The following CFAP299 variants were observed in gnomAD, a reference collection of about 807,000 sequenced individuals.
The protein encoded by CFAP299 is cilia and flagella associated protein 299.
CFAP299 carries 21 observed loss-of-function variants against 27.0 expected under a neutral mutation model. That is an observed-to-expected ratio of 0.78 (90% CI 0.55 to 1.12). The LOEUF is 1.12. Ranked by LOEUF, CFAP299 falls within the 50% of genes most tolerant of loss-of-function variation. The pLI, the probability that CFAP299 is intolerant of heterozygous loss-of-function variation, is 0.00. For missense variants in CFAP299, 310 were observed against 276.6 expected (o/e 1.12, Z -0.86); for synonymous variants, 104 against 98.1 (o/e 1.06, Z -0.36).
At chr4:80,365,692 A>G (rs1284398599) in intron 2 of CFAP299, among the ~76,000 whole-genome samples, 3 of 152,222 alleles carry the variant, frequency 2.0e-5, no homozygotes, top group Non-Finnish European at 4.4e-5. Context: ...GAATCAGTCA[A>G]TGTCTATCAG....
intron 2 of CFAP299, chr4:80,387,129 G>C (rs554120351): frequency 1.4e-6 from 2 of 1,424,590 alleles, no homozygotes; most frequent in African/African-American, 2.8e-5. Context: ...TTGTTGACAC[G>C]TTTGACACAC....
rs190143058 is a variant in CFAP299 at position 80,868,126 on chromosome 4, T to C, written c.334-1867T>C. Among the ~76,000 whole-genome samples the C allele has an allele frequency of 2.1e-3, 323 of 152,314 alleles. 2 individuals carry two copies. Among genetic ancestry groups the C allele is most frequent in the African/African-American group, 7.4e-3 (309 of 41,572 alleles). On this transcript the variant is annotated intron_variant, in intron 3 of 5. Transcript: ENST00000358105. ...TAATCACTCCCTCCAAACATACAAG[T>C]TTATTTCAAACATTTTAAACATATT...
chr4:80,938,568 C>G (rs970998270), intron 4 of CFAP299, among the ~76,000 whole-genome samples: 3 of 152,164 alleles, frequency 2.0e-5, no homozygotes, highest in African/African-American at 7.2e-5. Flanking sequence ...GGGTAAATAT[C>G]TGTTAGAGAC....
At chr4:80,379,608 G>A (rs970261162) in intron 2 of CFAP299, among the ~76,000 whole-genome samples, 2 of 150,794 alleles carry the variant, frequency 1.3e-5, no homozygotes, top group Non-Finnish European at 3.0e-5. Context: ...TCATTTCTAT[G>A]TTTATTTTAA....
chr4:80,370,291 T>G (rs1001179749), intron 2 of CFAP299, among the ~76,000 whole-genome samples: 2 of 152,116 alleles, frequency 1.3e-5, no homozygotes, highest in African/African-American at 4.8e-5. Context: ...TCACTGGGGA[T>G]TACAATTTGA....
chr4:80,699,029 G>A (rs955397068), intron 3 of CFAP299, among the ~76,000 whole-genome samples: 9 of 152,142 alleles, frequency 5.9e-5, no homozygotes, highest in African/African-American at 2.2e-4. Context: ...AAATTACCAA[G>A]TGTTTAATAT....
intron 4 of CFAP299, among the ~76,000 whole-genome samples, chr4:80,896,830 A>C (rs556997287): frequency 6.6e-6 from 1 of 152,290 alleles, no homozygotes; most frequent in East Asian, 1.9e-4. Context: ...AAGTGCTATA[A>C]TAATGTATCT....
intron 2 of CFAP299, among the ~76,000 whole-genome samples, chr4:80,438,396 C>T (rs1263267591): frequency 6.6e-6 from 1 of 152,154 alleles, no homozygotes; most frequent in Non-Finnish European, 1.5e-5. Context: ...GTTTCATGTC[C>T]AGCTTCCAAA....
chr4:80,378,784 G>A (rs1724550267), intron 2 of CFAP299, among the ~76,000 whole-genome samples: 1 of 152,044 alleles, frequency 6.6e-6, no homozygotes, highest in African/African-American at 2.4e-5. Context: ...TGCTCATTGT[G>A]TATATAATGT....
Position 80,883,981 on chromosome 4 carries a change from C to T in CFAP299, c.476+13846C>T, listed in dbSNP as rs1375768618. Among the ~76,000 whole-genome samples, 3 of 152,102 alleles carry T rather than the reference C, an allele frequency of 2.0e-5. No individual in the cohort carries two copies. The East Asian group carries it at 5.8e-4, about 29-fold the overall frequency. ...CATCACCCAGGTATTAGGCCTGGTA[C>T]TCAATAGTTATTTTTTCTGATCCTC... is the stretch of plus-strand genomic sequence containing the variant. On this transcript the variant is annotated intron_variant, in intron 4 of 5. Transcript: ENST00000358105.
In CFAP299 at chr4:80,744,573, T is replaced by A. The variant is rs79951007; in HGVS notation, c.334-125420T>A. Among the ~76,000 whole-genome samples the A allele has an allele frequency of 1.2e-3, 184 of 152,276 alleles. 3 individuals carry two copies. The East Asian group carries it at 0.032, about 27-fold the overall frequency. ...AACACCTCCTCTCCTTTACCTTTTTTGATTTTCATCTTTTTTTTTTAAAGG... is the reference window on the plus strand; with the variant it reads ...AACACCTCCTCTCCTTTACCTTTTTAGATTTTCATCTTTTTTTTTTAAAGG... On this transcript the variant is annotated intron_variant, in intron 3 of 5. Coordinates refer to ENST00000358105, the MANE Select transcript of CFAP299 (RefSeq NM_152770.3).
chr4:80,394,823 C>G (rs1293951678), intron 2 of CFAP299, among the ~76,000 whole-genome samples: 1 of 151,936 alleles, frequency 6.6e-6, no homozygotes, highest in Admixed American at 6.6e-5. Flanking sequence ...TTTTGATAGC[C>G]ATTGTTTTGT....
At chr4:80,777,482 C>A (rs1379701977) in intron 3 of CFAP299, among the ~76,000 whole-genome samples, 1 of 152,054 alleles carries the variant, frequency 6.6e-6, no homozygotes. Flanking sequence ...ACTACTAACT[C>A]TCCCAAATTT....
intron 2 of CFAP299, among the ~76,000 whole-genome samples, chr4:80,445,955 CT>C (rs928356858): frequency 7.9e-5 from 12 of 152,136 alleles, no homozygotes; most frequent in Admixed American, 7.9e-4. Flanking sequence ...TCTTTAAAAA[CT>C]TTCAGGTCTT....
intron 2 of CFAP299, among the ~76,000 whole-genome samples, chr4:80,436,502 C>T (rs1208595962): frequency 6.6e-6 from 1 of 152,090 alleles, no homozygotes; most frequent in Non-Finnish European, 1.5e-5. Flanking sequence ...CGGGGTTTCA[C>T]CGTGTTAGCC....
chr4:80,912,452 G>A (rs1012985087), intron 4 of CFAP299, among the ~76,000 whole-genome samples: 16 of 152,128 alleles, frequency 1.1e-4, no homozygotes, highest in African/African-American at 1.7e-4. Context: ...GTCATCCGTC[G>A]AAAGAGCCAC....
intron 3 of CFAP299, among the ~76,000 whole-genome samples, chr4:80,797,647 C>A (rs747264660): frequency 3.3e-5 from 5 of 152,180 alleles, no homozygotes; most frequent in Non-Finnish European, 7.3e-5. Context: ...GTGGTTCCCA[C>A]TGTTAGGTCT....
At chr4:80,728,755 T>C (rs1723307695) in intron 3 of CFAP299, among the ~76,000 whole-genome samples, 1 of 152,186 alleles carries the variant, frequency 6.6e-6, no homozygotes, top group African/African-American at 2.4e-5. Flanking sequence ...GATAAGACAG[T>C]TATCCTAACT....
intron 4 of CFAP299, among the ~76,000 whole-genome samples, chr4:80,922,127 A>G (rs1055980794): frequency 1.3e-5 from 2 of 152,090 alleles, no homozygotes; most frequent in African/African-American, 4.8e-5. Context: ...TTATATGAAT[A>G]TAAATAATAA....
Sources: gnomAD v4.1 joint callset for allele counts (sites outside exome capture counted in the v4.1 genomes callset) on GRCh38, gnomAD v4.1.1 for gene constraint, MANE v1.5 for transcripts, NCBI Gene and HGNC (gene_info 2026-07-23, HGNC 2026-07-21) for gene names.